Variants in EYA1 observed in about 807,000 individuals in gnomAD.
EYA1 encodes protein phosphatase EYA1.
Under a neutral mutation model 82.0 loss-of-function variants are expected in EYA1, and 16 were observed. That is an observed-to-expected ratio of 0.20 (90% CI 0.13 to 0.30). The LOEUF is 0.30. EYA1 is among the 10% of genes least tolerant of loss of function. EYA1 has a pLI of 1.00. For synonymous variants in EYA1, 261 were observed against 264.4 expected (o/e 0.99, Z 0.12); for missense variants, 633 against 730.7 (o/e 0.87, Z 1.54).
intron 2 of EYA1, among the ~76,000 whole-genome samples, chr8:71,508,786 C>A (rs1812384601): frequency 6.6e-6 from 1 of 152,144 alleles, no homozygotes; most frequent in Non-Finnish European, 1.5e-5. Context: ...AAAGCCACCT[C>A]ATTTATGGTA....
chr8:71,428,122 G>T (rs1438431196), intron 2 of EYA1, among the ~76,000 whole-genome samples: 1 of 152,078 alleles, frequency 6.6e-6, no homozygotes, highest in Non-Finnish European at 1.5e-5. Context: ...GCAATTTTTT[G>T]GCTTATAGGA....
chr8:71,475,677 C>A (rs60607582), intron 2 of EYA1, among the ~76,000 whole-genome samples: 23,274 of 152,042 alleles, frequency 0.15, 3,166 homozygotes, highest in East Asian at 0.48. Context: ...TCCCCAAATT[C>A]TTTTCATGGC....
chr8:71,541,077 T>G (rs1815101519), intron 1 of EYA1, among the ~76,000 whole-genome samples: 1 of 152,224 alleles, frequency 6.6e-6, no homozygotes, highest in Non-Finnish European at 1.5e-5. Context: ...TCACCTCTTC[T>G]GTGCTTTCTT....
intron 2 of EYA1, among the ~76,000 whole-genome samples, chr8:71,469,166 T>TA (rs10719071): frequency 0.16 from 23,851 of 150,374 alleles, 2,049 homozygotes; most frequent in Non-Finnish European, 0.2. Context: ...CAGACATAAG[T>TA]AAAAAAAAAA....
chr8:71,460,776 T>A (rs536389055), intron 2 of EYA1, among the ~76,000 whole-genome samples: 19 of 152,306 alleles, frequency 1.2e-4, no homozygotes, highest in African/African-American at 4.3e-4. Flanking sequence ...GAAGAAACTG[T>A]TTCTGTAGAT....
At chr8:71,463,035 C>T (rs1808486272) in intron 2 of EYA1, among the ~76,000 whole-genome samples, 1 of 152,134 alleles carries the variant, frequency 6.6e-6, no homozygotes, top group African/African-American at 2.4e-5. Context: ...CAAAATACCC[C>T]AAATACTACC....
At chr8:71,293,772 G>A (rs1819264085) in intron 9 of EYA1, among the ~76,000 whole-genome samples, 1 of 147,204 alleles carries the variant, frequency 6.8e-6, no homozygotes, top group Admixed American at 6.9e-5. Context: ...ATCTAGGAAA[G>A]GGGAGAGAGC....
chr8:71,392,733 T>C (rs1253053394), intron 2 of EYA1, among the ~76,000 whole-genome samples: 1 of 152,214 alleles, frequency 6.6e-6, no homozygotes, highest in Non-Finnish European at 1.5e-5. Flanking sequence ...AATCATTCAT[T>C]TCTTCTAAAA....
At position 71,215,669 on chromosome 8, in the gene EYA1, G is replaced by A; in HGVS notation, c.1420C>T (p.Leu474=). The change falls in exon 15 of 18, where the codon CTG becomes TTG. Residue 474 remains leucine (L), a synonymous_variant. Coordinates refer to ENST00000340726, the MANE Select transcript of EYA1 (RefSeq NM_000503.6). ...GCCAGTGTCAACCAGGAGTCGGTCA[G>A]GGCTTCAATTTCGGCCCTCAACTGC... ...WLQLRAEIEA[L]TDSWLTLALK... is the part of the protein sequence containing the mutation. 1 of 1,614,144 alleles carries A rather than the reference G, an allele frequency of 6.2e-7. No individual in the cohort carries two copies. Among genetic ancestry groups the A allele is most frequent in the Non-Finnish European group, 8.5e-7 (1 of 1,180,024 alleles).
At chr8:71,433,076 T>C (rs1348834246) in intron 2 of EYA1, among the ~76,000 whole-genome samples, 1 of 152,198 alleles carries the variant, frequency 6.6e-6, no homozygotes, top group Non-Finnish European at 1.5e-5. Context: ...GCCTCAGCCA[T>C]GTGGTCAAAT....
chr8:71,487,993 A>G (rs1810697822), intron 2 of EYA1, among the ~76,000 whole-genome samples: 1 of 152,208 alleles, frequency 6.6e-6, no homozygotes, highest in South Asian at 2.1e-4. Flanking sequence ...AAAAGCCACG[A>G]ATAAGAATTC....
At chr8:71,384,964 T>C (rs1393102909) in intron 2 of EYA1, among the ~76,000 whole-genome samples, 2 of 152,200 alleles carry the variant, frequency 1.3e-5, no homozygotes, top group African/African-American at 2.4e-5. Flanking sequence ...CCATGGCAAG[T>C]AGACCCTTAT....
intron 11 of EYA1, among the ~76,000 whole-genome samples, chr8:71,253,625 A>AATCT (rs1814021828): frequency 6.6e-6 from 1 of 152,194 alleles, no homozygotes; most frequent in African/African-American, 2.4e-5. Context: ...GGATAGCTGG[A>AATCT]ATCTGCCTTT....
intron 2 of EYA1, among the ~76,000 whole-genome samples, chr8:71,466,939 A>G (rs1808813158): frequency 6.6e-6 from 1 of 152,080 alleles, no homozygotes; most frequent in Admixed American, 6.6e-5. Context: ...TTAAACTTTT[A>G]TGTTTCCTCA....
At chr8:71,379,927 C>T (rs1045277496) in intron 2 of EYA1, among the ~76,000 whole-genome samples, 4 of 152,220 alleles carry the variant, frequency 2.6e-5, no homozygotes, top group African/African-American at 9.6e-5. Context: ...AGGGATGTAT[C>T]AGTCCTCACT....
rs1245905358 is a variant in EYA1, at chr8:71,299,264, G to T, written c.640-31C>A. On this transcript the variant is annotated intron_variant, in intron 8 of 17. Coordinates refer to ENST00000340726, the MANE Select transcript of EYA1 (RefSeq NM_000503.6). The stretch of plus-strand genomic sequence containing the variant: ...AAATCAAACCACACAAGAATTGTCT[G>T]TCAAAATACTGCTGCTTATCTCTTA... The T allele has an allele frequency of 1.9e-6, 3 of 1,598,588 alleles. No individual in the cohort carries two copies. In the East Asian group the frequency reaches 6.7e-5, roughly 36 times the overall value.
chr8:71,442,860 T>C (rs1039873772), intron 2 of EYA1, among the ~76,000 whole-genome samples: 7 of 152,202 alleles, frequency 4.6e-5, no homozygotes, highest in Non-Finnish European at 8.8e-5. Context: ...AGTCATAACA[T>C]TTTATCTCTG....
At chr8:71,214,803 C>A (rs1453809516) in intron 16 of EYA1, among the ~76,000 whole-genome samples, 1 of 152,172 alleles carries the variant, frequency 6.6e-6, no homozygotes, top group African/African-American at 2.4e-5. Flanking sequence ...TAACTGTCTG[C>A]TTCCCCTGAG....
At chr8:71,526,393 G>C (rs553512037) in intron 2 of EYA1, among the ~76,000 whole-genome samples, 93 of 152,092 alleles carry the variant, frequency 6.1e-4, no homozygotes, top group Non-Finnish European at 9.9e-4. Flanking sequence ...TAGGTTGATA[G>C]GATCCCTGTA....
Sources: gnomAD v4.1 joint callset for allele counts (sites outside exome capture counted in the v4.1 genomes callset) on GRCh38, gnomAD v4.1.1 for gene constraint, MANE v1.5 for transcripts, NCBI Gene and HGNC (gene_info 2026-07-23, HGNC 2026-07-21) for gene names.